DSP: variants seen among roughly 807,000 people sequenced by gnomAD.
The protein encoded by DSP is desmoplakin.
Under a neutral mutation model 290.6 loss-of-function variants are expected in DSP, and 114 were observed. The observed-to-expected ratio is 0.39, with a 90% CI of 0.34 to 0.46. The LOEUF is 0.46. Among genes scored for constraint, DSP ranks in the 20% least tolerant of loss-of-function variants. The pLI is 0.99. For synonymous variants in DSP, 1,311 were observed against 1,316.4 expected (o/e 1.00, Z 0.09); for missense variants, 3,230 against 3,495.8 (o/e 0.92, Z 1.92).
rs760259046 is a variant in DSP, at chr6:7,580,438, A to G, written c.4248A>G (p.Leu1416=). ...SEEIKRLKNT[L]TQTTENLRRV... Reference sequence around the variant, plus strand: ...AAATAAAGAGGCTGAAGAACACTCTAACCCAGACCACAGAGAATCTCAGGA... The same window carrying G: ...AAATAAAGAGGCTGAAGAACACTCTGACCCAGACCACAGAGAATCTCAGGA... Residue 1416 remains leucine (L), a synonymous_variant, in exon 23 of 24, where the codon CTA becomes CTG. Coordinates refer to ENST00000379802, the MANE Select transcript of DSP (RefSeq NM_004415.4). The surrounding 1 kb of genome is among the most constrained non-coding windows in gnomAD (Gnocchi z 4.2). 1 of 1,614,130 alleles carries G rather than the reference A, an allele frequency of 6.2e-7. No individual in the cohort carries two copies. Among genetic ancestry groups the G allele is most frequent in the East Asian group, 2.2e-5 (1 of 44,870 alleles).
chr6:7,566,329 G>A, intron 7 of DSP, 48 bp from the exon 8 acceptor site: 2 of 1,504,858 alleles, frequency 1.3e-6, no homozygotes, highest in South Asian at 1.1e-5. Context: ...GGTGATGGAA[G>A]TTTAATGATG....
rs1759469722 is a variant in DSP, at chr6:7,582,527, A to G, written c.5380-115A>G. ...TCCAGGGACAATATAGAAAGAAAAA[A>G]TAAGCAAGGCTTTTTTTTTTAAAGA... is the stretch of plus-strand genomic sequence containing the variant. On this transcript the variant is annotated intron_variant, in intron 23 of 23. Coordinates refer to ENST00000379802, the MANE Select transcript of DSP (RefSeq NM_004415.4). The surrounding 1 kb of genome is among the most constrained non-coding windows in gnomAD (Gnocchi z 4.2). 9.9e-7 allele frequency: 1 copy of G among 1,005,714 alleles called. No homozygotes were observed. The highest frequency in any genetic ancestry group is 1.6e-5 in the African/African-American group (1 of 60,842). The allele number at this position is 1,005,714 out of a possible 1,614,324, so 62.3% of individuals were successfully genotyped here.
chr6:7,544,905 C>T (rs1003500992), intron 1 of DSP, among the ~76,000 whole-genome samples: 1 of 152,156 alleles, frequency 6.6e-6, no homozygotes, highest in African/African-American at 2.4e-5. Context: ...AAATAATAGA[C>T]ATGTACATGT....
intron 18 of DSP, 113 bp from the exon 19 acceptor site, chr6:7,576,181 G>A: frequency 8.3e-7 from 1 of 1,205,544 alleles, no homozygotes; most frequent in Non-Finnish European, 1.2e-6. Flanking sequence ...GTTTTTATGT[G>A]GGAATATGAT....
In DSP at chr6:7,565,448, C is replaced by T. The variant is rs397516973; in HGVS notation, c.867C>T (p.Cys289=). 12 of 1,614,034 alleles carry T rather than the reference C, an allele frequency of 7.4e-6. No homozygotes were observed. The highest frequency in any genetic ancestry group is 2.2e-5 in the East Asian group (1 of 44,886). Residue 289 remains cysteine, a synonymous_variant, in exon 7 of 24, where the codon TGC becomes TGT. Coordinates refer to ENST00000379802, the MANE Select transcript of DSP (RefSeq NM_004415.4). The surrounding 1 kb of genome is among the most constrained non-coding windows in gnomAD (Gnocchi z 4.2). ...GGGAGATCATGTGGATCAATGACTG[C>T]GAGGAGGAGGAGCTGCTGTACGACT... ...TSREIMWIND[C]EEEELLYDWS...
At position 7,585,749 on chromosome 6, in the gene DSP, CCGCTCGGGATCTCGCTCCGGATCT is replaced by C. The variant is rs1554109280; in HGVS notation, c.8493_8516del (p.Ser2839_Arg2846del). On this transcript the variant is annotated inframe_deletion, in exon 24 of 24. Coordinates refer to ENST00000379802, the MANE Select transcript of DSP (RefSeq NM_004415.4). Reference sequence around the variant, plus strand: ...CGGCTCCGGGGTCCCGCTCCGGCTCCCGCTCGGGATCTCGCTCCGGATCTCGCTCCGGGTCCCGCAGTGGGTCCC... The same window carrying C: ...CGGCTCCGGGGTCCCGCTCCGGCTCCCGCTCCGGGTCCCGCAGTGGGTCCC... 1.2e-6 allele frequency: 2 copies of C among 1,610,128 alleles called. No individual in the cohort carries two copies. Among genetic ancestry groups the C allele is most frequent in the Non-Finnish European group, 1.7e-6 (2 of 1,177,788 alleles).
rs1457162316 is a variant in DSP at position 7,582,274 on chromosome 6, GT to G, written c.5380-367del. On this transcript the variant is annotated intron_variant, in intron 23 of 23. Transcript: ENST00000379802. This position sits in a 1 kb window ranked among gnomAD's most constrained non-coding sequence, Gnocchi z 4.2. ...TCATATATTTGTATTGCTTCATTAA[GT>G]ATGTTCATCTAGCTGTAACAGGTGA... Among the ~76,000 whole-genome samples the G allele has an allele frequency of 5.4e-5, 8 of 148,684 alleles. No individual in the cohort carries two copies. The highest frequency in any genetic ancestry group is 2.0e-4 in the African/African-American group (8 of 40,606).
chr6:7,552,155 T>A (rs904941710), intron 1 of DSP, among the ~76,000 whole-genome samples: 1 of 152,214 alleles, frequency 6.6e-6, no homozygotes, highest in African/African-American at 2.4e-5. Context: ...TTTTTATTTT[T>A]TCAACCCTTC....
At chr6:7,567,582 T>G in intron 9 of DSP, 133 bp downstream of exon 9, 2 of 1,133,464 alleles carry the variant, frequency 1.8e-6, no homozygotes, top group Non-Finnish European at 2.6e-6. Flanking sequence ...GAGTGCAGAG[T>G]AGCATAGATT....
At position 7,583,698 on chromosome 6, in the gene DSP, G is replaced by T; in HGVS notation, c.6436G>T (p.Asp2146Tyr). Reference sequence around the variant, plus strand: ...TGTGAACAGTGTCTTTTTGCCAAAAGATGTCGCCTTGGCCCGGGGGCTGAT... The same window carrying T: ...TGTGAACAGTGTCTTTTTGCCAAAATATGTCGCCTTGGCCCGGGGGCTGAT... ...DPVNSVFLPK[D>Y]VALARGLIDR... Residue 2146 changes from aspartate (D) to tyrosine (Y), a missense_variant, in exon 24 of 24, where the codon GAT becomes TAT. By Grantham distance (160) the Asp-to-Tyr change is radical (BLOSUM62 -3). Around this residue, in one of 5 missense-constraint regions of DSP, gnomAD observed 1,714 missense variants for 1,844.5 expected, o/e 0.93. Transcript: ENST00000379802. This position sits in a 1 kb window ranked among gnomAD's most constrained non-coding sequence, Gnocchi z 4.0. 1 of 1,614,138 alleles carries T rather than the reference G, an allele frequency of 6.2e-7. No homozygotes were observed. Among genetic ancestry groups the T allele is most frequent in the Non-Finnish European group, 8.5e-7 (1 of 1,180,020 alleles).
intron 1 of DSP, among the ~76,000 whole-genome samples, chr6:7,543,997 C>T (rs2299032): frequency 0.34 from 51,580 of 152,064 alleles, 8,884 homozygotes; most frequent in Middle Eastern, 0.39. Context: ...AGCCTACTTA[C>T]AAACTTGTCA....
In DSP at chr6:7,542,022, G is replaced by C. The variant is rs778506459; in HGVS notation, c.107G>C (p.Gly36Ala). 20 of 1,583,140 alleles carry C rather than the reference G, an allele frequency of 1.3e-5. No homozygotes were observed. In the African/African-American group the frequency reaches 2.6e-4, roughly 20 times the overall value. ...TACGAGGTGACCAGCGGCGGCGGGG[G>C]CACCAGCAGGATGTACTATTCTCGG... ...LRYEVTSGGG[G>A]TSRMYYSRRG... Residue 36 changes from glycine (G) to alanine (A), a missense_variant, in exon 1 of 24, where the codon GGC (glycine) becomes GCC (alanine). Coordinates refer to ENST00000379802, the MANE Select transcript of DSP (RefSeq NM_004415.4).
rs1759567864 is a variant in DSP, at chr6:7,584,617, A to C, written c.7355A>C (p.Gln2452Pro). 1 of 1,614,118 alleles carries C rather than the reference A, an allele frequency of 6.2e-7. No individual in the cohort carries two copies. The highest frequency in any genetic ancestry group is 8.5e-7 in the Non-Finnish European group (1 of 1,180,002). Residue 2452 changes from glutamine to proline, a missense_variant, in exon 24 of 24, where the codon CAG becomes CCG. Around this residue, in one of 5 missense-constraint regions of DSP, gnomAD observed 582 missense variants for 555.4 expected, o/e 1.05. Coordinates refer to ENST00000379802, the MANE Select transcript of DSP (RefSeq NM_004415.4). The surrounding 1 kb of genome is among the most constrained non-coding windows in gnomAD (Gnocchi z 6.4). Reference protein sequence around the residue: ...CLLPLKEKKKQVQTSQKNTLR... With the variant: ...CLLPLKEKKKPVQTSQKNTLR... ...CTGCCTCTGAAAGAAAAGAAGAAAC[A>C]GGTGCAGACATCACAAAAGAATACC...
chr6:7,577,926 C>T (rs1469734177), intron 21 of DSP, 40 bp downstream of exon 21: 1 of 1,491,704 alleles, frequency 6.7e-7, no homozygotes, highest in Non-Finnish European at 9.3e-7. Context: ...CCTGCCCCTC[C>T]TTCTGCTTCT....
At position 7,583,264 on chromosome 6, in the gene DSP, T is replaced by A. The variant is rs926676669; in HGVS notation, c.6002T>A (p.Val2001Glu). ...AAACTATTGAAGGGGAAGAAGTCAG[T>A]GGAAGAAGTTGCTTCTGAAATCCAG... Reference protein sequence around the residue: ...LDKLLKGKKSVEEVASEIQPF... With the variant: ...LDKLLKGKKSEEEVASEIQPF... The change falls in exon 24 of 24, where the codon GTG becomes GAG. Residue 2001 changes from valine (V) to glutamate (E), a missense_variant. Around this residue, in one of 5 missense-constraint regions of DSP, gnomAD observed 1,714 missense variants for 1,844.5 expected, o/e 0.93. Coordinates refer to ENST00000379802, the MANE Select transcript of DSP (RefSeq NM_004415.4). The surrounding 1 kb of genome is among the most constrained non-coding windows in gnomAD (Gnocchi z 4.0). The A allele has an allele frequency of 6.2e-7, 1 of 1,614,078 alleles. No homozygotes were observed. The highest frequency in any genetic ancestry group is 1.3e-5 in the African/African-American group (1 of 74,928).
At chr6:7,548,264 GAAAA>G (rs1018495198) in intron 1 of DSP, among the ~76,000 whole-genome samples, 1 of 144,628 alleles carries the variant, frequency 6.9e-6, no homozygotes, top group African/African-American at 2.5e-5. Flanking sequence ...GAGACTCCGT[GAAAA>G]AAAAAAAGAA....
intron 22 of DSP, among the ~76,000 whole-genome samples, chr6:7,578,786 G>A (rs2113690400): frequency 6.6e-6 from 1 of 152,204 alleles, no homozygotes; most frequent in East Asian, 1.9e-4. Flanking sequence ...CAACAACTTT[G>A]CCAAACAAAA....
chr6:7,581,331 CCAAGGAG>C lies in DSP; in HGVS notation c.5144_5150del (p.Lys1715ThrfsTer2). 6.2e-7 allele frequency: 1 copy of C among 1,614,152 alleles called. No homozygotes were observed. The highest frequency in any genetic ancestry group is 8.5e-7 in the Non-Finnish European group (1 of 1,180,040). On this transcript the variant is annotated frameshift_variant, in exon 23 of 24. Coordinates refer to ENST00000379802, the MANE Select transcript of DSP (RefSeq NM_004415.4). LOFTEE classifies it high-confidence loss of function. ...CTGCAGTCTCTCACAGAGAACCTGA[CCAAGGAG>C]CACTTGATGTTAGAAGAAGAACTGC...
Position 7,568,872 on chromosome 6 carries a change from T to A in DSP, c.1419+283T>A, listed in dbSNP as rs189448925. On this transcript the variant is annotated intron_variant, in intron 11 of 23. Transcript: ENST00000379802. ...AGTTGTCTGTGATCACTCTCATCTTTAAATTTCTGATAAAAGAAATGAGAA... is the reference window on the plus strand; with the variant it reads ...AGTTGTCTGTGATCACTCTCATCTTAAAATTTCTGATAAAAGAAATGAGAA... Among the ~76,000 whole-genome samples the A allele has an allele frequency of 4.2e-4, 64 of 152,332 alleles. No homozygotes were observed. In the East Asian group the frequency reaches 0.012, roughly 29 times the overall value.
Sources: gnomAD v4.1 joint callset for allele counts (sites outside exome capture counted in the v4.1 genomes callset) on GRCh38, gnomAD v4.1.1 for gene constraint, gnomAD v4.1.1 regional missense constraint, Gnocchi (gnomAD v3.1) non-coding constraint, MANE v1.5 for transcripts, NCBI Gene and HGNC (gene_info 2026-07-23, HGNC 2026-07-21) for gene names.